Variants in SMURF2 observed in about 807,000 individuals in gnomAD.
SMURF2 encodes SMAD specific E3 ubiquitin protein ligase 2, also known as E3 ubiquitin-protein ligase SMURF2.
SMURF2 carries 48 observed loss-of-function variants against 109.6 expected under a neutral mutation model. The ratio of observed to expected loss-of-function variants is 0.44; its 90% confidence interval spans 0.35 to 0.56. SMURF2 has a LOEUF of 0.56. SMURF2 is among the 20% of genes least tolerant of loss of function. The pLI, the probability that SMURF2 is intolerant of heterozygous loss-of-function variation, is 0.01. For missense variants in SMURF2, 575 were observed against 909.0 expected, an observed-to-expected ratio of 0.63 and a Z score of 4.72; for synonymous variants, 288 against 317.1, an observed-to-expected ratio of 0.91 and a Z score of 0.97.
chr17:64,616,295 G>A (rs1442888664), intron 1 of SMURF2, among the ~76,000 whole-genome samples: 8 of 152,028 alleles, frequency 5.3e-5, no homozygotes, highest in Admixed American at 1.3e-4. Flanking sequence ...TAGTACTACC[G>A]TCATTTTAGA....
Position 64,662,105 on chromosome 17 carries a change from C to CA in SMURF2, c.-226dup. 9.4e-7 allele frequency: 1 copy of CA among 1,062,112 alleles called. No individual in the cohort carries two copies. The highest frequency in any genetic ancestry group is 1.1e-6 in the Non-Finnish European group (1 of 879,962). The allele number at this position is 1,062,112 out of a possible 1,614,324, so 65.8% of individuals were successfully genotyped here. ...TTCTCCTTCCTCGGCCCGGGCCGCA[C>CA]AACAAAGCGGCAGCCGCGGCCGCCC... On this transcript the variant is annotated 5_prime_UTR_variant, in exon 1 of 19. Coordinates refer to ENST00000262435, the MANE Select transcript of SMURF2 (RefSeq NM_022739.4).
At chr17:64,656,818 G>T (rs1970712239) in intron 1 of SMURF2, among the ~76,000 whole-genome samples, 1 of 152,088 alleles carries the variant, frequency 6.6e-6, no homozygotes, top group African/African-American at 2.4e-5. Context: ...AGTCTTCATG[G>T]TTCCCATTCC....
At chr17:64,585,811 A>T in intron 6 of SMURF2, among the ~76,000 whole-genome samples, 1 of 152,176 alleles carries the variant, frequency 6.6e-6, no homozygotes, top group South Asian at 2.1e-4. Flanking sequence ...ACATTTTTTT[A>T]ACTAGATAAT....
intron 10 of SMURF2, among the ~76,000 whole-genome samples, chr17:64,569,732 T>C (rs782375215): frequency 2.6e-5 from 4 of 152,194 alleles, no homozygotes; most frequent in Non-Finnish European, 5.9e-5. Context: ...AACTCATATA[T>C]TGCCGGTAAA....
At chr17:64,621,306 G>A (rs551524192) in intron 1 of SMURF2, among the ~76,000 whole-genome samples, 1 of 152,366 alleles carries the variant, frequency 6.6e-6, no homozygotes, top group African/African-American at 2.4e-5. Flanking sequence ...TAGGCTGGGC[G>A]TGCTGGCTCA....
At chr17:64,655,538 C>T (rs1970695124) in intron 1 of SMURF2, among the ~76,000 whole-genome samples, 1 of 151,814 alleles carries the variant, frequency 6.6e-6, no homozygotes, top group Non-Finnish European at 1.5e-5. Context: ...GGATTACAAC[C>T]GTGAGCCACC....
intron 1 of SMURF2, among the ~76,000 whole-genome samples, chr17:64,614,876 C>T (rs1425896664): frequency 6.6e-6 from 1 of 152,142 alleles, no homozygotes; most frequent in East Asian, 1.9e-4. Flanking sequence ...GTCATAAATG[C>T]CTTTTATTGT....
At chr17:64,601,985 C>A (rs1410963820) in intron 2 of SMURF2, among the ~76,000 whole-genome samples, 5 of 151,096 alleles carry the variant, frequency 3.3e-5, no homozygotes, top group Middle Eastern at 3.4e-3. Flanking sequence ...TACATACATA[C>A]ACCATGGAAT....
intron 11 of SMURF2, among the ~76,000 whole-genome samples, chr17:64,562,169 T>C (rs1226174346): frequency 2.7e-5 from 4 of 150,250 alleles, no homozygotes; most frequent in Non-Finnish European, 5.9e-5. Context: ...AGCGTGTGCC[T>C]GTAGTCCCAG....
intron 1 of SMURF2, among the ~76,000 whole-genome samples, chr17:64,614,936 T>G (rs922688685): frequency 6.6e-6 from 1 of 152,210 alleles, no homozygotes; most frequent in Admixed American, 6.5e-5. Flanking sequence ...TATACTTCAT[T>G]TGAGGCAGCG....
chr17:64,615,954 C>G (rs531985614), intron 1 of SMURF2, among the ~76,000 whole-genome samples: 3 of 152,134 alleles, frequency 2.0e-5, no homozygotes, highest in East Asian at 1.9e-4. Flanking sequence ...CTCAGCCTCT[C>G]GAGTAGCTGG....
rs570078513 is a variant in SMURF2 at position 64,595,895 on chromosome 17, C to A, written c.201-2322G>T. On this transcript the variant is annotated intron_variant, in intron 3 of 18. Transcript: ENST00000262435. The stretch of plus-strand genomic sequence containing the variant: ...TAAAGAAACTTCCAGTGGAAAACAA[C>A]AGTCATGAAAGATCAAAATCAGGAT... Among the ~76,000 whole-genome samples the A allele has an allele frequency of 2.0e-5, 3 of 152,172 alleles. No individual in the cohort carries two copies. In the East Asian group the frequency reaches 5.8e-4, roughly 29 times the overall value.
At chr17:64,647,869 A>T (rs1247010560) in intron 1 of SMURF2, among the ~76,000 whole-genome samples, 2 of 151,654 alleles carry the variant, frequency 1.3e-5, no homozygotes, top group Non-Finnish European at 2.9e-5. Flanking sequence ...CATCCTGGGC[A>T]ACAGTGAGAC....
chr17:64,566,331 G>A (rs957453881), intron 10 of SMURF2, among the ~76,000 whole-genome samples: 2 of 151,514 alleles, frequency 1.3e-5, no homozygotes, highest in South Asian at 2.1e-4. Flanking sequence ...TTACATAGCT[G>A]AATAAAAACT....
At position 64,544,167 on chromosome 17, in the gene SMURF2, C is replaced by G. The variant is rs574824136; in HGVS notation, c.*1681G>C. 1.3e-5 allele frequency: 2 copies of G among 152,284 alleles called. No individual in the cohort carries two copies. Among genetic ancestry groups the G allele is most frequent in the South Asian group, 4.1e-4 (2 of 4,832 alleles). The allele number at this position is 152,284 out of a possible 1,614,324, so 9.4% of individuals were successfully genotyped here. ...AAAGCTTACTTGAAATTCCAATATA[C>G]ATAAGAAAAATGGGCTGTTCTGGGT... On this transcript the variant is annotated 3_prime_UTR_variant, in exon 19 of 19. Coordinates refer to ENST00000262435, the MANE Select transcript of SMURF2 (RefSeq NM_022739.4).
chr17:64,580,609 C>G (rs989660408), intron 8 of SMURF2, among the ~76,000 whole-genome samples, 180 bp downstream of exon 8: 1 of 152,202 alleles, frequency 6.6e-6, no homozygotes, highest in African/African-American at 2.4e-5. Flanking sequence ...CAAGGTCAAA[C>G]TGTTGGTTAG....
intron 2 of SMURF2, among the ~76,000 whole-genome samples, chr17:64,599,720 C>G (rs1555688393): frequency 6.6e-6 from 1 of 152,192 alleles, no homozygotes; most frequent in African/African-American, 2.4e-5. Flanking sequence ...TGAGATGGAA[C>G]AGTTTCATCC....
At chr17:64,636,106 G>GAT (rs1229965919) in intron 1 of SMURF2, among the ~76,000 whole-genome samples, 1 of 152,128 alleles carries the variant, frequency 6.6e-6, no homozygotes, top group Non-Finnish European at 1.5e-5. Context: ...TTTGGCCACT[G>GAT]ATATATCTTC....
At chr17:64,611,406 G>A (rs1970042639) in intron 1 of SMURF2, among the ~76,000 whole-genome samples, 1 of 151,938 alleles carries the variant, frequency 6.6e-6, no homozygotes, top group African/African-American at 2.4e-5. Flanking sequence ...CTGAACTCCA[G>A]GTCCACAAAC....
Sources: gnomAD v4.1 joint callset for allele counts (sites outside exome capture counted in the v4.1 genomes callset) on GRCh38, gnomAD v4.1.1 for gene constraint, MANE v1.5 for transcripts, NCBI Gene and HGNC (gene_info 2026-07-23, HGNC 2026-07-21) for gene names.